NRG3: variants seen among roughly 807,000 people sequenced by gnomAD.
NRG3 encodes the protein pro-neuregulin-3, membrane-bound isoform.
A neutral mutation model predicts 66.9 loss-of-function variants in NRG3; 31 were observed. That is an observed-to-expected ratio of 0.46 (90% CI 0.35 to 0.63). The LOEUF is 0.63. Among genes scored for constraint, NRG3 ranks in the 20% least tolerant of loss-of-function variants. The pLI is 0.00. For synonymous variants in NRG3, 393 were observed against 359.4 expected, an observed-to-expected ratio of 1.09 and a Z score of -1.06; for missense variants, 910 against 878.9, an observed-to-expected ratio of 1.04 and a Z score of -0.45.
chr10:82,967,356 A>C (rs1364993885), intron 6 of NRG3, among the ~76,000 whole-genome samples: 1 of 152,108 alleles, frequency 6.6e-6, no homozygotes, highest in African/African-American at 2.4e-5. Context: ...CCATAACTAC[A>C]TCAATAATTC....
At chr10:82,387,107 G>A (rs920674055) in intron 2 of NRG3, among the ~76,000 whole-genome samples, 9 of 152,148 alleles carry the variant, frequency 5.9e-5, no homozygotes, top group African/African-American at 1.9e-4. Flanking sequence ...GCCTTGACAG[G>A]CTTTTCCAAT....
At chr10:82,551,608 T>TGTTG (rs1170079614) in intron 2 of NRG3, among the ~76,000 whole-genome samples, 3 of 148,556 alleles carry the variant, frequency 2.0e-5, no homozygotes, top group African/African-American at 7.4e-5. Context: ...AAAATACTGT[T>TGTTG]TTTTTTTTTA....
chr10:81,949,964 C>T (rs1564682930), intron 1 of NRG3, among the ~76,000 whole-genome samples: 1 of 152,176 alleles, frequency 6.6e-6, no homozygotes, highest in Admixed American at 6.5e-5. Flanking sequence ...AGCGGGGCTG[C>T]ACTGAAGGCC....
At chr10:82,735,744 G>A (rs901487138) in intron 2 of NRG3, among the ~76,000 whole-genome samples, 6 of 152,092 alleles carry the variant, frequency 3.9e-5, no homozygotes, top group Admixed American at 6.6e-5. Context: ...ATCACACACC[G>A]GGGCCTGTCA....
At chr10:82,245,988 T>G (rs868596402) in intron 1 of NRG3, among the ~76,000 whole-genome samples, 2 of 125,474 alleles carry the variant, frequency 1.6e-5, no homozygotes, top group Non-Finnish European at 1.8e-5. Flanking sequence ...GTTTTTTTTT[T>G]TTTTTTTTTT....
chr10:82,273,891 G>A (rs1462178108), intron 1 of NRG3, among the ~76,000 whole-genome samples: 1 of 151,926 alleles, frequency 6.6e-6, no homozygotes, highest in Non-Finnish European at 1.5e-5. Flanking sequence ...GCTTGTAGGC[G>A]ATGACTGTGA....
intron 1 of NRG3, among the ~76,000 whole-genome samples, chr10:82,283,291 T>G (rs2134470763): frequency 6.6e-6 from 1 of 152,248 alleles, no homozygotes. Flanking sequence ...TAGGAGTACA[T>G]CCGTGGCTTC....
intron 1 of NRG3, among the ~76,000 whole-genome samples, chr10:82,256,958 G>A (rs1045421448): frequency 2.6e-4 from 39 of 152,228 alleles, no homozygotes; most frequent in African/African-American, 8.9e-4. Flanking sequence ...GTCATGGTCC[G>A]TGGAATTGCT....
chr10:81,975,050 G>A (rs568044049), intron 1 of NRG3, among the ~76,000 whole-genome samples: 57 of 151,858 alleles, frequency 3.8e-4, no homozygotes, highest in Middle Eastern at 3.4e-3. Context: ...ATTGGAGCAC[G>A]GTCTTGTGGA....
intron 1 of NRG3, among the ~76,000 whole-genome samples, chr10:82,088,759 A>G (rs2133486255): frequency 6.6e-6 from 1 of 152,236 alleles, no homozygotes; most frequent in South Asian, 2.1e-4. Context: ...GCTGTACTCG[A>G]CTTTTCCCCA....
intron 2 of NRG3, among the ~76,000 whole-genome samples, chr10:82,379,910 CAA>C (rs11423046): frequency 1.3e-4 from 10 of 78,520 alleles, no homozygotes; most frequent in Non-Finnish European, 2.2e-4. Context: ...ATGAACAATC[CAA>C]AAAAAAAAAA....
chr10:82,614,462 A>G (rs1030928413), intron 2 of NRG3, among the ~76,000 whole-genome samples: 2 of 152,188 alleles, frequency 1.3e-5, no homozygotes, highest in African/African-American at 2.4e-5. Context: ...TGATTTTTAA[A>G]AGTTGAATTT....
chr10:82,246,537 A>G (rs1358163561), intron 1 of NRG3, among the ~76,000 whole-genome samples: 3 of 152,212 alleles, frequency 2.0e-5, no homozygotes, highest in Non-Finnish European at 4.4e-5. Flanking sequence ...GGCAAACGGT[A>G]TAATTACTGC....
intron 1 of NRG3, among the ~76,000 whole-genome samples, chr10:81,900,674 T>A (rs1843981102): frequency 6.6e-6 from 1 of 152,206 alleles, no homozygotes; most frequent in African/African-American, 2.4e-5. Context: ...AATCTAAAAT[T>A]TGTTTGTATG....
chr10:82,481,523 T>C lies in NRG3; in HGVS notation c.953+122655T>C, dbSNP rs572739047. On this transcript the variant is annotated intron_variant, in intron 2 of 8. Coordinates refer to ENST00000372141, the MANE Select transcript of NRG3 (RefSeq NM_001010848.4). ...GTAAGAAATTAAAGGGTCAAAATGA[T>C]TACTCTATTTAATTAATCATTCATT... Among the ~76,000 whole-genome samples, 5 of 152,290 alleles carry C rather than the reference T, an allele frequency of 3.3e-5. No individual in the cohort carries two copies. In the East Asian group the frequency reaches 9.6e-4, roughly 29 times the overall value.
At chr10:82,395,866 T>C (rs1183228826) in intron 2 of NRG3, among the ~76,000 whole-genome samples, 2 of 152,120 alleles carry the variant, frequency 1.3e-5, no homozygotes, top group Non-Finnish European at 2.9e-5. Flanking sequence ...CTTTAAACAT[T>C]TTTGTCAAAA....
chr10:81,903,994 ATATT>A lies in NRG3; in HGVS notation c.823+27833_823+27836del, dbSNP rs1186905136. On this transcript the variant is annotated intron_variant, in intron 1 of 8. Coordinates refer to ENST00000372141, the MANE Select transcript of NRG3 (RefSeq NM_001010848.4). ...AGTGTGTATATATATATATATATAT[ATATT>A]TTTTTTTTTTGTTTGTTTGTTTGTT... 7.0e-3 allele frequency among the ~76,000 whole-genome samples: 721 copies of A among 103,450 alleles called. 8 individuals carry two copies. Among genetic ancestry groups the A allele is most frequent in the African/African-American group, 0.018 (504 of 27,718 alleles). The allele number at this position is 103,450 out of a possible 152,430, so 67.9% of individuals were successfully genotyped here. A position where few individuals can be genotyped will look rare whatever the true frequency, so the allele number is the denominator to read the frequency against.
intron 1 of NRG3, among the ~76,000 whole-genome samples, chr10:82,345,738 C>A (rs1198176743): frequency 1.3e-5 from 2 of 151,748 alleles, no homozygotes; most frequent in East Asian, 1.9e-4. Flanking sequence ...CTTTTATTTC[C>A]TTGAGCAGTG....
At chr10:82,027,932 T>A (rs2062390332) in intron 1 of NRG3, among the ~76,000 whole-genome samples, 1 of 152,118 alleles carries the variant, frequency 6.6e-6, no homozygotes, top group Non-Finnish European at 1.5e-5. Flanking sequence ...ATCCGGGTTG[T>A]GCAAGCAATG....
Sources: gnomAD v4.1 joint callset for allele counts (sites outside exome capture counted in the v4.1 genomes callset) on GRCh38, gnomAD v4.1.1 for gene constraint, MANE v1.5 for transcripts, NCBI Gene and HGNC (gene_info 2026-07-23, HGNC 2026-07-21) for gene names.